Variants in RAB1A observed in about 807,000 individuals in gnomAD.
RAB1A encodes the protein RAB1A, member RAS oncogene family.
Under a neutral mutation model 26.0 loss-of-function variants are expected in RAB1A, and 2 were observed. The observed-to-expected ratio is 0.08, with a 90% confidence interval of 0.03 to 0.24. The LOEUF (loss-of-function observed/expected upper bound fraction) is 0.24. Among genes scored for constraint, RAB1A ranks in the 10% least tolerant of loss-of-function variants. The pLI is 1.00. For missense variants in RAB1A, 100 were observed against 247.0 expected, an observed-to-expected ratio of 0.40 and a Z score of 3.99; for synonymous variants, 84 against 84.9, an observed-to-expected ratio of 0.99 and a Z score of 0.06.
intron 1 of RAB1A, among the ~76,000 whole-genome samples, chr2:65,125,656 C>T (rs1169027819): frequency 6.6e-6 from 1 of 150,896 alleles, no homozygotes; most frequent in Non-Finnish European, 1.5e-5. Context: ...TCAAATGATC[C>T]GCCCACCTCG....
chr2:65,125,966 G>A (rs1670091521), intron 1 of RAB1A, among the ~76,000 whole-genome samples: 1 of 145,016 alleles, frequency 6.9e-6, no homozygotes, highest in South Asian at 2.2e-4. Context: ...CCACCTCCGA[G>A]GTTCAAGAGA....
intron 1 of RAB1A, among the ~76,000 whole-genome samples, chr2:65,119,699 C>T (rs1423883087): frequency 6.6e-6 from 1 of 151,276 alleles, no homozygotes; most frequent in Admixed American, 6.6e-5. Flanking sequence ...AATTAGAACA[C>T]TTGTGTTAGT....
At chr2:65,101,701 C>CTTT (rs200745473) in intron 2 of RAB1A, among the ~76,000 whole-genome samples, 3 of 120,544 alleles carry the variant, frequency 2.5e-5, no homozygotes, top group Non-Finnish European at 3.5e-5. Flanking sequence ...AAAGTTGAGC[C>CTTT]TTTTTTTTTT....
intron 1 of RAB1A, among the ~76,000 whole-genome samples, chr2:65,105,827 A>G (rs920840883): frequency 2.0e-5 from 3 of 151,726 alleles, no homozygotes; most frequent in Non-Finnish European, 4.4e-5. Context: ...CAGTGGCGCG[A>G]TCTCGGCTCA....
chr2:65,118,366 A>C (rs1669872277), intron 1 of RAB1A, among the ~76,000 whole-genome samples: 3 of 152,210 alleles, frequency 2.0e-5, no homozygotes, highest in Admixed American at 1.3e-4. Flanking sequence ...ATTTGTAAGC[A>C]GAGTCCATGT....
chr2:65,103,354 T>G (rs1480172593), intron 2 of RAB1A, among the ~76,000 whole-genome samples: 1 of 150,108 alleles, frequency 6.7e-6, no homozygotes, highest in East Asian at 2.0e-4. Context: ...CACAAATATT[T>G]TTAAAGGAAT....
At chr2:65,118,472 TTTTG>T (rs1055357264) in intron 1 of RAB1A, among the ~76,000 whole-genome samples, 21 of 152,140 alleles carry the variant, frequency 1.4e-4, no homozygotes, top group African/African-American at 2.2e-4. Flanking sequence ...TATTTTCCTT[TTTTG>T]TTTGTTTGTT....
At chr2:65,097,748 G>A (rs1427273651) in intron 3 of RAB1A, among the ~76,000 whole-genome samples, 1 of 152,166 alleles carries the variant, frequency 6.6e-6, no homozygotes, top group East Asian at 1.9e-4. Flanking sequence ...CTTAAAACAT[G>A]AGTTTCTCTG....
chr2:65,089,491 T>C (rs1464574080), intron 4 of RAB1A, among the ~76,000 whole-genome samples: 1 of 152,140 alleles, frequency 6.6e-6, no homozygotes, highest in Non-Finnish European at 1.5e-5. Context: ...AGTTTACAGG[T>C]GTTAGCCATT....
intron 1 of RAB1A, among the ~76,000 whole-genome samples, chr2:65,127,613 C>G (rs1412455637): frequency 6.6e-6 from 1 of 152,208 alleles, no homozygotes; most frequent in Admixed American, 6.5e-5. Flanking sequence ...GTAATCCCAA[C>G]TTCTCGGGAA....
intron 1 of RAB1A, among the ~76,000 whole-genome samples, chr2:65,113,732 A>G (rs1669757225): frequency 6.6e-6 from 1 of 152,210 alleles, no homozygotes; most frequent in African/African-American, 2.4e-5. Context: ...TAACACTGTT[A>G]TGTGAAAGGA....
Position 65,129,199 on chromosome 2 carries a change from A to G in RAB1A, c.23+694T>C, listed in dbSNP as rs1573098137. On this transcript the variant is annotated intron_variant, in intron 1 of 5. Coordinates refer to ENST00000409784, the MANE Select transcript of RAB1A (RefSeq NM_004161.5). ...ACAAAATGACTTAGGTGTCCTCTTT[A>G]AAAAAAAAAAAAACAAAATTCTCAC... Among the ~76,000 whole-genome samples, 3 of 98,074 alleles carry G rather than the reference A, an allele frequency of 3.1e-5. No individual in the cohort carries two copies. In the South Asian group the frequency reaches 1.1e-3, roughly 35 times the overall value. The allele number at this position is 98,074 out of a possible 152,430, so 64.3% of individuals were successfully genotyped here.
chr2:65,118,923 T>C (rs544764824), intron 1 of RAB1A, among the ~76,000 whole-genome samples: 1 of 152,272 alleles, frequency 6.6e-6, no homozygotes, highest in Admixed American at 6.5e-5. Context: ...GTACAGTGGC[T>C]CATGCCTGTA....
intron 2 of RAB1A, among the ~76,000 whole-genome samples, 161 bp from the exon 3 acceptor site, chr2:65,098,227 G>C (rs757630359): frequency 6.6e-6 from 1 of 151,896 alleles, no homozygotes; most frequent in Non-Finnish European, 1.5e-5. Flanking sequence ...ATAACATGCT[G>C]ACAACAGCCA....
At chr2:65,093,007 T>C (rs1475161452) in intron 3 of RAB1A, among the ~76,000 whole-genome samples, 1 of 152,206 alleles carries the variant, frequency 6.6e-6, no homozygotes, top group African/African-American at 2.4e-5. Context: ...GTAAGTTTCC[T>C]GAGGCCTCCT....
intron 1 of RAB1A, among the ~76,000 whole-genome samples, chr2:65,126,814 T>C (rs1470148829): frequency 2.0e-5 from 3 of 152,234 alleles, no homozygotes; most frequent in Non-Finnish European, 4.4e-5. Flanking sequence ...TGTATTTGCG[T>C]GATAAAACAC....
At chr2:65,103,304 A>AAAAAAAAAAAAACAAAC (rs757626011) in intron 2 of RAB1A, among the ~76,000 whole-genome samples, 6,194 of 112,434 alleles carry the variant, frequency 0.055, 486 homozygotes, top group African/African-American at 0.12. Flanking sequence ...TGTCTCAAAA[A>AAAAAAAAAAAAACAAAC]AAAAAAAAAA....
intron 1 of RAB1A, among the ~76,000 whole-genome samples, chr2:65,108,056 C>T: frequency 7.9e-6 from 1 of 127,194 alleles, no homozygotes; most frequent in Non-Finnish European, 1.6e-5. Context: ...AGAGGAGTCT[C>T]AAAAAAAAAA....
Position 65,102,647 on chromosome 2 carries a change from T to G in RAB1A, c.96+2087A>C, listed in dbSNP as rs985336449. On this transcript the variant is annotated intron_variant, in intron 2 of 5. Coordinates refer to ENST00000409784, the MANE Select transcript of RAB1A (RefSeq NM_004161.5). ...CAAGTTAAAAAAAAAAAAAAAAATG[T>G]CCAGGTGCAGTAGTTCACGCCTGTA... Among the ~76,000 whole-genome samples the G allele has an allele frequency of 1.5e-4, 22 of 147,004 alleles. No homozygotes were observed. The East Asian group carries it at 3.0e-3, about 20-fold the overall frequency.
Sources: gnomAD v4.1 joint callset for allele counts (sites outside exome capture counted in the v4.1 genomes callset) on GRCh38, gnomAD v4.1.1 for gene constraint, MANE v1.5 for transcripts, NCBI Gene and HGNC (gene_info 2026-07-23, HGNC 2026-07-21) for gene names.